CMSS1: variants seen among roughly 807,000 people sequenced by gnomAD.
CMSS1 encodes the protein protein CMSS1.
A neutral mutation model predicts 43.5 loss-of-function variants in CMSS1; 33 were observed. The ratio of observed to expected loss-of-function variants is 0.76; its 90% CI spans 0.57 to 1.01. CMSS1 has a LOEUF of 1.01. CMSS1 is among the 50% of genes least tolerant of loss of function. The pLI, the probability that CMSS1 is intolerant of heterozygous loss-of-function variation, is 0.00. For synonymous variants in CMSS1, 115 were observed against 117.2 expected (o/e 0.98, Z 0.12); for missense variants, 313 against 326.4 (o/e 0.96, Z 0.32).
chr3:99,836,451 T>G (rs1034523652), intron 1 of CMSS1, among the ~76,000 whole-genome samples: 4 of 152,016 alleles, frequency 2.6e-5, no homozygotes, highest in Non-Finnish European at 5.9e-5. Context: ...TTTGGTAGAG[T>G]TGAAATTTTG....
chr3:99,889,977 C>A lies in CMSS1; in HGVS notation c.64+71934C>A, dbSNP rs112629900. Among the ~76,000 whole-genome samples the A allele has an allele frequency of 7.3e-3, 1,106 of 151,996 alleles. 19 individuals carry two copies. Among genetic ancestry groups the A allele is most frequent in the African/African-American group, 0.025 (1,018 of 41,462 alleles). Reference sequence around the variant, plus strand: ...GATATACCAATATATTTAACACTTTCTTCGCCTCTTATTTCTTCTTTTATT... The same window carrying A: ...GATATACCAATATATTTAACACTTTATTCGCCTCTTATTTCTTCTTTTATT... On this transcript the variant is annotated intron_variant, in intron 1 of 9. Transcript: ENST00000421999.
At chr3:99,864,230 A>G (rs1944401513) in intron 1 of CMSS1, among the ~76,000 whole-genome samples, 1 of 152,138 alleles carries the variant, frequency 6.6e-6, no homozygotes, top group Non-Finnish European at 1.5e-5. Context: ...TCTTAGTTGA[A>G]AAACTGAGGC....
chr3:99,977,804 G>A (rs1709014216), intron 1 of CMSS1, among the ~76,000 whole-genome samples: 2 of 152,016 alleles, frequency 1.3e-5, no homozygotes, highest in South Asian at 4.2e-4. Context: ...TTTGTCTGAT[G>A]GCCTAAACCT....
intron 1 of CMSS1, among the ~76,000 whole-genome samples, chr3:100,129,790 T>C (rs2066692139): frequency 6.6e-6 from 1 of 152,214 alleles, no homozygotes; most frequent in Non-Finnish European, 1.5e-5. Context: ...TATTTTTTCC[T>C]AAACCAGTGC....
At chr3:99,878,149 C>A (rs1270454781) in intron 1 of CMSS1, among the ~76,000 whole-genome samples, 1 of 152,146 alleles carries the variant, frequency 6.6e-6, no homozygotes, top group African/African-American at 2.4e-5. Flanking sequence ...ATGTGTTACT[C>A]CTGAAACATC....
chr3:99,872,158 G>A (rs1414593144), intron 1 of CMSS1, among the ~76,000 whole-genome samples: 2 of 151,974 alleles, frequency 1.3e-5, no homozygotes, highest in Non-Finnish European at 2.9e-5. Context: ...TGTGTCTCTG[G>A]GGCAAGTCAC....
At chr3:100,000,002 G>T (rs1004485250) in intron 1 of CMSS1, among the ~76,000 whole-genome samples, 2 of 151,610 alleles carry the variant, frequency 1.3e-5, no homozygotes, top group African/African-American at 4.8e-5. Context: ...AAAAAGAAAA[G>T]AAATACCAGA....
chr3:99,974,886 T>C (rs1012814634), intron 1 of CMSS1, among the ~76,000 whole-genome samples: 2 of 152,224 alleles, frequency 1.3e-5, no homozygotes, highest in Non-Finnish European at 2.9e-5. Flanking sequence ...GCTCTTGTGT[T>C]TGCCATACCA....
intron 1 of CMSS1, among the ~76,000 whole-genome samples, chr3:100,050,904 G>T (rs906045886): frequency 6.6e-6 from 1 of 152,184 alleles, no homozygotes; most frequent in Non-Finnish European, 1.5e-5. Context: ...TGGGAGCATG[G>T]AAGTGGCTCC....
intron 1 of CMSS1, among the ~76,000 whole-genome samples, chr3:100,145,698 T>G (rs2066843993): frequency 6.6e-6 from 1 of 152,204 alleles, no homozygotes. Flanking sequence ...CATGATAGGC[T>G]TGCGACCCAG....
rs140424517 is a variant in CMSS1, at chr3:99,884,669, G to T, written c.64+66626G>T. ...TAAAGAACGAGGAAATGAATGAAAG[G>T]AAGTGCTTTGAATTCAGCAGAAGAA... On this transcript the variant is annotated intron_variant, in intron 1 of 9. Coordinates refer to ENST00000421999, the MANE Select transcript of CMSS1 (RefSeq NM_032359.4). 6.7e-3 allele frequency among the ~76,000 whole-genome samples: 1,023 copies of T among 152,312 alleles called. 3 individuals are homozygous for T. The highest frequency in any genetic ancestry group is 8.5e-3 in the African/African-American group (354 of 41,578).
At chr3:99,848,014 A>G in intron 1 of CMSS1, 1 of 1,125,188 alleles carries the variant, frequency 8.9e-7, no homozygotes, top group East Asian at 4.6e-5. Context: ...GTTATGGAAA[A>G]TGAAATACAT....
chr3:99,847,375 T>C (rs955098275), intron 1 of CMSS1, among the ~76,000 whole-genome samples: 1 of 149,826 alleles, frequency 6.7e-6, no homozygotes, highest in Non-Finnish European at 1.5e-5. Context: ...TGAAGTAGAG[T>C]GTTCAAGAGT....
chr3:100,136,775 G>A (rs2066759677), intron 1 of CMSS1, among the ~76,000 whole-genome samples: 1 of 152,210 alleles, frequency 6.6e-6, no homozygotes, highest in Non-Finnish European at 1.5e-5. Flanking sequence ...TACACTTACA[G>A]GCCATATGAT....
At chr3:99,881,957 C>T (rs1427232853) in intron 1 of CMSS1, among the ~76,000 whole-genome samples, 1 of 152,130 alleles carries the variant, frequency 6.6e-6, no homozygotes, top group East Asian at 1.9e-4. Context: ...TACAATTGAA[C>T]AAGTTTTGTT....
At chr3:99,944,116 G>A (rs1416794892) in intron 1 of CMSS1, among the ~76,000 whole-genome samples, 3 of 152,168 alleles carry the variant, frequency 2.0e-5, no homozygotes, top group Admixed American at 6.5e-5. Flanking sequence ...AGCATCATGA[G>A]GAGAGTACAT....
At chr3:99,837,401 TAGA>T (rs1942945041) in intron 1 of CMSS1, among the ~76,000 whole-genome samples, 1 of 145,552 alleles carries the variant, frequency 6.9e-6, no homozygotes, top group Admixed American at 6.8e-5. Flanking sequence ...GGCATAAGAA[TAGA>T]AGAAGAATAG....
rs542406026 is a variant in CMSS1 at position 99,934,772 on chromosome 3, G to T, written c.64+116729G>T. ...AGATGAAATCTGGTAGGAGAACATA[G>T]ATCATTTGCCAGTGATGATATTCAT... On this transcript the variant is annotated intron_variant, in intron 1 of 9. Transcript: ENST00000421999. 2.0e-5 allele frequency among the ~76,000 whole-genome samples: 3 copies of T among 152,310 alleles called. No homozygotes were observed. In the East Asian group the frequency reaches 5.8e-4, roughly 29 times the overall value.
chr3:99,849,338 T>G, intron 1 of CMSS1: 1 of 1,614,120 alleles, frequency 6.2e-7, no homozygotes, highest in East Asian at 2.2e-5. Flanking sequence ...GGCCTGAGGC[T>G]CTTACTGAAA....
Sources: allele counts gnomAD v4.1 joint callset (sites outside exome capture counted in the v4.1 genomes callset), GRCh38; gene constraint gnomAD v4.1.1; transcripts MANE v1.5; gene names NCBI Gene and HGNC (gene_info 2026-07-23, HGNC 2026-07-21).